The following DYM variants were observed in gnomAD, a reference collection of about 807,000 sequenced individuals.
The protein encoded by DYM is dyggve-Melchior-Clausen syndrome protein.
DYM carries 78 observed loss-of-function variants against 93.1 expected under a neutral mutation model. That is an observed-to-expected ratio of 0.84 (90% CI 0.70 to 1.01). The LOEUF is 1.01. Among genes scored for constraint, DYM ranks in the 50% least tolerant of loss-of-function variants. The pLI, the probability that DYM is intolerant of heterozygous loss-of-function variation, is 0.00. For missense variants in DYM, 789 were observed against 845.0 expected (o/e 0.93, Z 0.82); for synonymous variants, 321 against 319.7 (o/e 1.00, Z -0.04).
intron 13 of DYM, among the ~76,000 whole-genome samples, chr18:49,220,607 T>C (rs2093310209): frequency 1.3e-5 from 2 of 151,852 alleles, no homozygotes; most frequent in African/African-American, 4.8e-5. Flanking sequence ...GCCGCATATC[T>C]ACAACTATCT....
intron 15 of DYM, among the ~76,000 whole-genome samples, chr18:49,133,189 T>C (rs759033621): frequency 8.5e-5 from 13 of 152,186 alleles, no homozygotes; most frequent in Non-Finnish European, 1.8e-4. Context: ...GACCCATTTA[T>C]AAATACGTAC....
intron 14 of DYM, among the ~76,000 whole-genome samples, chr18:49,191,862 T>C (rs2091003340): frequency 6.6e-6 from 1 of 152,148 alleles, no homozygotes; most frequent in Admixed American, 6.5e-5. Context: ...AGGCAAAGAA[T>C]AAGGTCAAAA....
At chr18:49,202,681 C>A (rs1375973170) in intron 14 of DYM, among the ~76,000 whole-genome samples, 42 of 101,038 alleles carry the variant, frequency 4.2e-4, no homozygotes, top group African/African-American at 1.4e-3. Context: ...TCTGCCCGGC[C>A]GAGACCCCGT....
At chr18:49,264,512 AT>A (rs2094539568) in intron 11 of DYM, among the ~76,000 whole-genome samples, 2 of 152,080 alleles carry the variant, frequency 1.3e-5, no homozygotes, top group African/African-American at 2.4e-5. Context: ...CCAACTCTTG[AT>A]ATATCAGATT....
chr18:49,217,815 G>C (rs2143885589), intron 13 of DYM, among the ~76,000 whole-genome samples: 1 of 152,304 alleles, frequency 6.6e-6, no homozygotes, highest in Middle Eastern at 3.4e-3. Flanking sequence ...AAATTGTAAA[G>C]ACCGTCGAGG....
At chr18:49,111,835 TCA>T (rs1460121642) in intron 16 of DYM, among the ~76,000 whole-genome samples, 1 of 152,104 alleles carries the variant, frequency 6.6e-6, no homozygotes, top group Non-Finnish European at 1.5e-5. Context: ...TCCTAAGACC[TCA>T]GTCTTAAATG....
At chr18:49,172,424 A>C (rs954601513) in intron 14 of DYM, among the ~76,000 whole-genome samples, 1 of 152,208 alleles carries the variant, frequency 6.6e-6, no homozygotes, top group East Asian at 1.9e-4. Context: ...AAACCGTTGC[A>C]CATTCTTGCT....
At chr18:49,268,925 C>G (rs990507839) in intron 11 of DYM, among the ~76,000 whole-genome samples, 5 of 151,888 alleles carry the variant, frequency 3.3e-5, no homozygotes, top group Admixed American at 2.0e-4. Flanking sequence ...ATCAAAAGGT[C>G]AAGCTACAAA....
chr18:49,185,185 G>A (rs2090324344), intron 14 of DYM, among the ~76,000 whole-genome samples: 2 of 152,104 alleles, frequency 1.3e-5, no homozygotes, highest in Admixed American at 1.3e-4. Flanking sequence ...ATTTTTGTTT[G>A]CCAAGAACCA....
intron 13 of DYM, among the ~76,000 whole-genome samples, chr18:49,248,093 T>C (rs371486291): frequency 6.6e-6 from 1 of 152,238 alleles, no homozygotes; most frequent in African/African-American, 2.4e-5. Flanking sequence ...AGCAAGCTAA[T>C]TCTATCTTTT....
At chr18:49,139,798 A>ATGGTC (rs1438043458) in intron 15 of DYM, among the ~76,000 whole-genome samples, 1 of 152,204 alleles carries the variant, frequency 6.6e-6, no homozygotes, top group African/African-American at 2.4e-5. Context: ...ACTGCACCCC[A>ATGGTC]TGGTCATTCC....
chr18:49,422,687 A>G (rs1667630754), intron 2 of DYM, among the ~76,000 whole-genome samples: 1 of 152,218 alleles, frequency 6.6e-6, no homozygotes, highest in Non-Finnish European at 1.5e-5. Context: ...GCTCAAAATA[A>G]AGGGATGGAG....
chr18:49,419,108 A>C (rs546379639), intron 2 of DYM, among the ~76,000 whole-genome samples: 22 of 152,310 alleles, frequency 1.4e-4, no homozygotes, highest in Non-Finnish European at 2.6e-4. Context: ...CACGCCTGTA[A>C]TACCAGCACT....
intron 15 of DYM, among the ~76,000 whole-genome samples, chr18:49,132,804 T>G (rs1034089264): frequency 6.6e-6 from 1 of 152,136 alleles, no homozygotes; most frequent in South Asian, 2.1e-4. Flanking sequence ...GTACTCATAG[T>G]AAATATTCAA....
chr18:49,095,732 T>C (rs2079484268), intron 17 of DYM, among the ~76,000 whole-genome samples: 1 of 152,214 alleles, frequency 6.6e-6, no homozygotes, highest in Non-Finnish European at 1.5e-5. Flanking sequence ...TATGTCACTG[T>C]CTCAAATATA....
intron 13 of DYM, among the ~76,000 whole-genome samples, chr18:49,248,436 C>T (rs182271501): frequency 6.6e-5 from 10 of 152,252 alleles, no homozygotes; most frequent in African/African-American, 2.4e-4. Flanking sequence ...ATCATTAACT[C>T]TTACACCACT....
intron 13 of DYM, among the ~76,000 whole-genome samples, chr18:49,215,658 T>C (rs764794276): frequency 2.0e-5 from 3 of 152,178 alleles, no homozygotes; most frequent in Non-Finnish European, 4.4e-5. Flanking sequence ...AAATTATACA[T>C]ACTCAAAAAC....
chr18:49,248,572 G>A (rs1397626772), intron 13 of DYM, among the ~76,000 whole-genome samples: 1 of 151,324 alleles, frequency 6.6e-6, no homozygotes, highest in Non-Finnish European at 1.5e-5. Flanking sequence ...CTTCCCTAAA[G>A]AAATAATTTC....
intron 11 of DYM, among the ~76,000 whole-genome samples, chr18:49,269,595 C>T (rs1338284697): frequency 6.6e-6 from 1 of 152,142 alleles, no homozygotes; most frequent in African/African-American, 2.4e-5. Context: ...GTAATACATA[C>T]AGTCATTTGC....
Sources: allele counts gnomAD v4.1 joint callset (sites outside exome capture counted in the v4.1 genomes callset), GRCh38; gene constraint gnomAD v4.1.1; transcripts MANE v1.5; gene names NCBI Gene and HGNC (gene_info 2026-07-23, HGNC 2026-07-21).